TMEM182: variants seen among roughly 807,000 people sequenced by gnomAD.
The protein encoded by TMEM182 is transmembrane protein 182.
In TMEM182, 20 loss-of-function variants were observed where a neutral mutation model predicts 26.8. The observed-to-expected ratio is 0.75, with a 90% CI of 0.53 to 1.09. The LOEUF (loss-of-function observed/expected upper bound fraction) is 1.09, where lower values mean the gene tolerates loss of function less well. Among genes scored for constraint, TMEM182 ranks in the 50% least tolerant of loss-of-function variants. The pLI is 0.00. For missense variants in TMEM182, 277 were observed against 275.5 expected, an observed-to-expected ratio of 1.01 and a Z score of -0.04; for synonymous variants, 109 against 102.2, an observed-to-expected ratio of 1.07 and a Z score of -0.40.
intron 4 of TMEM182, among the ~76,000 whole-genome samples, 173 bp from the exon 5 acceptor site, chr2:102,814,574 GA>G (rs1452920557): frequency 1.3e-5 from 2 of 152,174 alleles, no homozygotes; most frequent in Non-Finnish European, 2.9e-5. Flanking sequence ...CTTTGAAGAT[GA>G]AAGATAAAAG....
At chr2:102,823,849 C>T (rs1682975282) in intron 3 of TMEM182, among the ~76,000 whole-genome samples, 1 of 152,182 alleles carries the variant, frequency 6.6e-6, no homozygotes, top group Non-Finnish European at 1.5e-5. Flanking sequence ...AAAAGCCATC[C>T]ACTGGTTTAA....
At chr2:102,827,155 G>T (rs1683049120) in intron 3 of TMEM182, among the ~76,000 whole-genome samples, 1 of 152,200 alleles carries the variant, frequency 6.6e-6, no homozygotes, top group South Asian at 2.1e-4. Context: ...AGCATCGCCA[G>T]GCACCATGTT....
At chr2:102,839,171 A>G (rs1000871723) in intron 3 of TMEM182, among the ~76,000 whole-genome samples, 2 of 152,086 alleles carry the variant, frequency 1.3e-5, no homozygotes, top group Admixed American at 6.5e-5. Flanking sequence ...ACATGGCATA[A>G]ACAGTGGGTA....
chr2:102,832,897 G>T (rs1412216145), intron 3 of TMEM182, among the ~76,000 whole-genome samples: 2 of 152,144 alleles, frequency 1.3e-5, no homozygotes, highest in Non-Finnish European at 2.9e-5. Flanking sequence ...CTTCCAAATT[G>T]CACACAGCCA....
intron 3 of TMEM182, among the ~76,000 whole-genome samples, chr2:102,828,184 G>T (rs1403376800): frequency 6.6e-6 from 1 of 152,174 alleles, no homozygotes; most frequent in East Asian, 1.9e-4. Flanking sequence ...TGGGGACATG[G>T]CTCTCTGTAG....
chr2:102,824,682 A>G (rs1005820542), intron 3 of TMEM182, among the ~76,000 whole-genome samples: 15 of 152,172 alleles, frequency 9.9e-5, no homozygotes, highest in Middle Eastern at 3.4e-3. Context: ...AAAATTAGCC[A>G]GGCATGGTGG....
chr2:102,817,047 A>C lies in TMEM182; in HGVS notation c.*2079A>C. On this transcript the variant is annotated 3_prime_UTR_variant, in exon 5 of 5. Transcript: ENST00000412401. ...TGGAACTATTTTATAGTTGTAATGC[A>C]TCAATCAAATACATTTCAAGCACAT... 1 of 985,656 alleles carries C rather than the reference A, an allele frequency of 1.0e-6. No homozygotes were observed. The highest frequency in any genetic ancestry group is 1.2e-6 in the Non-Finnish European group (1 of 829,934). The allele number at this position is 985,656 out of a possible 1,614,324, so 61.1% of individuals were successfully genotyped here.
intron 4 of TMEM182, among the ~76,000 whole-genome samples, chr2:102,812,930 T>C (rs1339768889): frequency 6.6e-6 from 1 of 152,220 alleles, no homozygotes; most frequent in Non-Finnish European, 1.5e-5. Flanking sequence ...ACAGAGTTGC[T>C]AGACAACACA....
chr2:102,779,798 A>T (rs1681085406), intron 3 of TMEM182, among the ~76,000 whole-genome samples: 2 of 151,752 alleles, frequency 1.3e-5, no homozygotes, highest in South Asian at 4.2e-4. Context: ...GGAGTTTGAG[A>T]CCAGCCTGGC....
Position 102,807,672 on chromosome 2 carries a change from T to C in TMEM182, c.470-7076T>C, listed in dbSNP as rs746005153. Among the ~76,000 whole-genome samples the C allele has an allele frequency of 8.2e-4, 125 of 152,272 alleles. 1 individual carries two copies. Among genetic ancestry groups the C allele is most frequent in the Non-Finnish European group, 1.5e-3 (99 of 68,020 alleles). ...AATTTCCCTTTTCCCAGATATAATA[T>C]GGAGAAAGTTAAGAGTACATGTTGG... is the stretch of plus-strand genomic sequence containing the variant. On this transcript the variant is annotated intron_variant, in intron 4 of 4. Coordinates refer to ENST00000412401, the MANE Select transcript of TMEM182 (RefSeq NM_144632.5).
chr2:102,759,043 C>T (rs1479746034), upstream of TMEM182, among the ~76,000 whole-genome samples: 1 of 151,986 alleles, frequency 6.6e-6, no homozygotes, highest in Non-Finnish European at 1.5e-5. Context: ...AAATGTTATT[C>T]ATTGATGAAC....
At chr2:102,827,337 A>G (rs1683052907) in intron 3 of TMEM182, among the ~76,000 whole-genome samples, 1 of 152,214 alleles carries the variant, frequency 6.6e-6, no homozygotes, top group South Asian at 2.1e-4. Context: ...AGTCTGATAT[A>G]CTATACTACC....
chr2:102,803,877 A>C (rs1682245110), intron 4 of TMEM182, among the ~76,000 whole-genome samples: 1 of 151,984 alleles, frequency 6.6e-6, no homozygotes, highest in African/African-American at 2.4e-5. Flanking sequence ...TGCCGTCCAC[A>C]CCTGCAGGCA....
upstream of TMEM182, among the ~76,000 whole-genome samples, chr2:102,757,136 G>A (rs1450451554): frequency 6.6e-6 from 1 of 152,084 alleles, no homozygotes; most frequent in African/African-American, 2.4e-5. Flanking sequence ...GATTGGCAAG[G>A]AGGGAGAGTA....
chr2:102,754,032 T>C (rs1679962142), intron 1 of TMEM182, among the ~76,000 whole-genome samples: 1 of 152,200 alleles, frequency 6.6e-6, no homozygotes. Context: ...TCACAAACTG[T>C]AATACAAAAC....
At chr2:102,797,612 A>G (rs895255475) in intron 3 of TMEM182, among the ~76,000 whole-genome samples, 1 of 152,176 alleles carries the variant, frequency 6.6e-6, no homozygotes, top group Non-Finnish European at 1.5e-5. Flanking sequence ...CCCACAGTAT[A>G]TTAAGCATGT....
intron 3 of TMEM182, among the ~76,000 whole-genome samples, chr2:102,784,069 G>A (rs183208267): frequency 2.0e-5 from 3 of 152,214 alleles, no homozygotes; most frequent in East Asian, 3.9e-4. Flanking sequence ...TGGCAGACAC[G>A]GGCCACTATT....
intron 4 of TMEM182, among the ~76,000 whole-genome samples, chr2:102,802,514 A>T (rs1022706687): frequency 6.6e-6 from 1 of 152,222 alleles, no homozygotes; most frequent in Non-Finnish European, 1.5e-5. Context: ...ACAACTCTGC[A>T]GGACCTAAAC....
rs536575351 is a variant in TMEM182 at position 102,824,014 on chromosome 2, AAG to A, written c.326-19393_326-19392del. ...GATAAAAGGAAAGTGCAGCTTATGA[AAG>A]AGAGGTGTGAAATAAAAGATTCAGA... On this transcript the variant is annotated intron_variant, in intron 3 of 3. Coordinates refer to the TMEM182 transcript ENST00000486293. Among the ~76,000 whole-genome samples, 270 of 152,358 alleles carry A rather than the reference AAG, an allele frequency of 1.8e-3. 2 individuals carry two copies. Among genetic ancestry groups the A allele is most frequent in the Non-Finnish European group, 3.2e-3 (217 of 68,032 alleles).
Sources: allele counts gnomAD v4.1 joint callset (sites outside exome capture counted in the v4.1 genomes callset), GRCh38; gene constraint gnomAD v4.1.1; transcripts MANE v1.5; gene names NCBI Gene and HGNC (gene_info 2026-07-23, HGNC 2026-07-21).